Variants in FANK1 observed in about 807,000 individuals in gnomAD.
FANK1 encodes the protein fibronectin type 3 and ankyrin repeat domains protein 1.
FANK1 carries 44 observed loss-of-function variants against 45.3 expected under a neutral mutation model. The observed-to-expected ratio is 0.97, with a 90% CI of 0.76 to 1.25. The LOEUF (loss-of-function observed/expected upper bound fraction) is 1.25. Ranked by LOEUF, FANK1 falls within the 50% of genes most tolerant of loss-of-function variation. FANK1 has a pLI of 0.00. For missense variants in FANK1, 391 were observed against 424.4 expected, an observed-to-expected ratio of 0.92 and a Z score of 0.69; for synonymous variants, 149 against 152.5, an observed-to-expected ratio of 0.98 and a Z score of 0.17.
chr10:125,931,378 A>G (rs996147869), intron 1 of FANK1, among the ~76,000 whole-genome samples: 10 of 152,198 alleles, frequency 6.6e-5, no homozygotes, highest in Non-Finnish European at 1.5e-5. Context: ...ACCAGCATCT[A>G]CTGTTTTTTG....
intron 1 of FANK1, among the ~76,000 whole-genome samples, chr10:125,905,964 C>G (rs1945472796): frequency 6.6e-6 from 1 of 152,230 alleles, no homozygotes. Flanking sequence ...GAAAGAAGTA[C>G]CAAGTGAGAA....
intron 1 of FANK1, among the ~76,000 whole-genome samples, chr10:125,969,327 T>G (rs1285301311): frequency 6.6e-6 from 1 of 151,870 alleles, no homozygotes; most frequent in Admixed American, 6.6e-5. Context: ...GTTGGTTAAA[T>G]TTGGATGCTG....
At position 125,943,285 on chromosome 10, in the gene FANK1, T is replaced by C. The variant is rs561876551; in HGVS notation, c.14-36876T>C. Among the ~76,000 whole-genome samples, 6 of 152,338 alleles carry C rather than the reference T, an allele frequency of 3.9e-5. No homozygotes were observed. The South Asian group carries it at 1.2e-3, about 32-fold the overall frequency. ...TTCTAAACTAGCCTAAAATTGTTTT[T>C]CTAAATTGCAGTTAAAATGGCATAT... On this transcript the variant is annotated intron_variant, in intron 1 of 10. Transcript: ENST00000368693.
chr10:125,972,921 C>CACAA (rs1221945837), intron 1 of FANK1: 2 of 155,786 alleles, frequency 1.3e-5, no homozygotes, highest in East Asian at 3.8e-4. Context: ...CACACACACA[C>CACAA]ACACACACAC....
At position 125,970,770 on chromosome 10, in the gene FANK1, T is replaced by G. The variant is rs528172401; in HGVS notation, c.14-9391T>G. ...GTGAGCCGAGATCGCGGCAGTACAG[T>G]CCAGCCTCGGCAACAGAGGGGGACC... On this transcript the variant is annotated intron_variant, in intron 1 of 10. Coordinates refer to ENST00000368693, the MANE Select transcript of FANK1 (RefSeq NM_145235.5). Among the ~76,000 whole-genome samples, 4 of 152,160 alleles carry G rather than the reference T, an allele frequency of 2.6e-5. No individual in the cohort carries two copies. The East Asian group carries it at 7.7e-4, about 29-fold the overall frequency.
intron 1 of FANK1, among the ~76,000 whole-genome samples, chr10:125,931,789 A>G (rs7088774): frequency 0.32 from 48,475 of 152,082 alleles, 8,065 homozygotes; most frequent in East Asian, 0.46. Context: ...TGCTAAGCCA[A>G]TGTCTAGAAG....
chr10:126,004,782 C>G (rs1953053914), intron 6 of FANK1, 102 bp from the exon 7 acceptor site: 3 of 1,204,914 alleles, frequency 2.5e-6, no homozygotes, highest in Non-Finnish European at 3.6e-6. Context: ...GGCTTTTCCA[C>G]TCAAGTTAGG....
At chr10:125,981,796 C>T (rs1460170384) in intron 2 of FANK1, among the ~76,000 whole-genome samples, 1 of 152,148 alleles carries the variant, frequency 6.6e-6, no homozygotes, top group Non-Finnish European at 1.5e-5. Context: ...TTGATGCAGT[C>T]AAGATGCAGA....
At chr10:125,999,062 G>T (rs980338304) in intron 6 of FANK1, among the ~76,000 whole-genome samples, 28 of 152,268 alleles carry the variant, frequency 1.8e-4, no homozygotes, top group Admixed American at 1.6e-3. Flanking sequence ...CTCCTATGAG[G>T]GCCATACCAG....
intron 1 of FANK1, among the ~76,000 whole-genome samples, chr10:125,934,268 G>A (rs1172720152): frequency 6.6e-6 from 1 of 152,122 alleles, no homozygotes; most frequent in Non-Finnish European, 1.5e-5. Flanking sequence ...ACTGCAGCAG[G>A]AAGACTGTTT....
chr10:125,963,718 G>A (rs970426922), intron 1 of FANK1, among the ~76,000 whole-genome samples: 1 of 152,074 alleles, frequency 6.6e-6, no homozygotes, highest in African/African-American at 2.4e-5. Flanking sequence ...ACAGGAAGGG[G>A]AACATCACAC....
At chr10:125,966,062 C>T (rs1460216217) in intron 1 of FANK1, among the ~76,000 whole-genome samples, 1 of 152,116 alleles carries the variant, frequency 6.6e-6, no homozygotes, top group African/African-American at 2.4e-5. Flanking sequence ...GGTAGAGACA[C>T]AAAAGGAAGC....
At chr10:125,955,669 G>T (rs1057320896) in intron 1 of FANK1, among the ~76,000 whole-genome samples, 1 of 151,982 alleles carries the variant, frequency 6.6e-6, no homozygotes, top group South Asian at 2.1e-4. Context: ...GCAGATTTTC[G>T]CCATGTTTCT....
intron 1 of FANK1, among the ~76,000 whole-genome samples, chr10:125,960,578 G>A (rs1238227984): frequency 6.6e-6 from 1 of 152,380 alleles, no homozygotes; most frequent in East Asian, 1.9e-4. Context: ...CCAGGCTGGA[G>A]TGCAGTGGTG....
intron 1 of FANK1, among the ~76,000 whole-genome samples, chr10:125,969,203 TCTC>T (rs1950345045): frequency 6.7e-6 from 1 of 150,248 alleles, no homozygotes; most frequent in Non-Finnish European, 1.5e-5. Flanking sequence ...GAACATAAGG[TCTC>T]CTTTTTCTTT....
intron 1 of FANK1, among the ~76,000 whole-genome samples, chr10:125,950,706 C>T (rs1283946262): frequency 6.6e-6 from 1 of 151,916 alleles, no homozygotes; most frequent in Non-Finnish European, 1.5e-5. Context: ...GGATTTAGAA[C>T]TAGAAATACC....
chr10:125,984,064 TGA>T (rs1951396625), intron 2 of FANK1, among the ~76,000 whole-genome samples: 1 of 152,024 alleles, frequency 6.6e-6, no homozygotes, highest in African/African-American at 2.4e-5. Flanking sequence ...ATACGGGATG[TGA>T]GAGAGAGGAT....
At chr10:125,921,706 A>G (rs1315323692) in intron 1 of FANK1, among the ~76,000 whole-genome samples, 2 of 151,918 alleles carry the variant, frequency 1.3e-5, no homozygotes, top group Admixed American at 6.6e-5. Flanking sequence ...GAATTGATCT[A>G]TTTCACCTAA....
chr10:125,971,881 GAAAGT>G (rs1178689453), intron 1 of FANK1, among the ~76,000 whole-genome samples: 6 of 152,042 alleles, frequency 3.9e-5, no homozygotes, highest in South Asian at 2.1e-4. Flanking sequence ...CTTGGCCTCC[GAAAGT>G]AAAGTGCTGG....
Sources: allele counts gnomAD v4.1 joint callset (sites outside exome capture counted in the v4.1 genomes callset), GRCh38; gene constraint gnomAD v4.1.1; transcripts MANE v1.5; gene names NCBI Gene and HGNC (gene_info 2026-07-23, HGNC 2026-07-21).